PARD3B: variants seen among roughly 807,000 people sequenced by gnomAD.
PARD3B encodes par-3 family cell polarity regulator beta.
In PARD3B, 103 loss-of-function variants were observed where a neutral mutation model predicts 130.2. The observed-to-expected ratio is 0.79, with a 90% CI of 0.67 to 0.93. The LOEUF is 0.93. Among genes scored for constraint, PARD3B ranks in the 40% least tolerant of loss-of-function variants. The probability of loss-of-function intolerance (pLI) is 0.00; values close to 1 mark genes in which losing one functional copy is unlikely to be tolerated. For synonymous variants in PARD3B, 583 were observed against 553.2 expected (o/e 1.05, Z -0.76); for missense variants, 1,609 against 1,499.2 (o/e 1.07, Z -1.21).
chr2:205,098,732 C>T (rs1222600340), intron 4 of PARD3B, among the ~76,000 whole-genome samples: 2 of 152,058 alleles, frequency 1.3e-5, no homozygotes, highest in Non-Finnish European at 2.9e-5. Context: ...CCTCTTGGTG[C>T]CTGGCCCCTT....
chr2:205,490,857 T>C (rs2049675422), intron 20 of PARD3B, among the ~76,000 whole-genome samples: 1 of 152,272 alleles, frequency 6.6e-6, no homozygotes, highest in African/African-American at 2.4e-5. Flanking sequence ...ATTTCTCTGA[T>C]GGCCAGTGAT....
At chr2:204,819,104 GTATT>G (rs2043243191) in intron 2 of PARD3B, among the ~76,000 whole-genome samples, 1 of 152,154 alleles carries the variant, frequency 6.6e-6, no homozygotes, top group Admixed American at 6.5e-5. Context: ...ATATCTATAA[GTATT>G]TACGTATACA....
At chr2:204,795,187 C>T (rs2042327814) in intron 2 of PARD3B, among the ~76,000 whole-genome samples, 1 of 152,128 alleles carries the variant, frequency 6.6e-6, no homozygotes, top group South Asian at 2.1e-4. Context: ...TCTGATTAGT[C>T]CAGTAATACT....
chr2:204,826,502 A>G (rs1173054701), intron 2 of PARD3B, among the ~76,000 whole-genome samples: 1 of 152,158 alleles, frequency 6.6e-6, no homozygotes, highest in Non-Finnish European at 1.5e-5. Flanking sequence ...GTATCTATGG[A>G]CTACCACAAT....
chr2:205,519,761 T>C (rs1416035744), intron 21 of PARD3B, among the ~76,000 whole-genome samples: 2 of 148,574 alleles, frequency 1.3e-5, no homozygotes, highest in Non-Finnish European at 3.0e-5. Flanking sequence ...ACTTCTTTTC[T>C]GGATGTTTTC....
At chr2:205,612,332 T>C (rs1292769011) in intron 22 of PARD3B, among the ~76,000 whole-genome samples, 3 of 152,176 alleles carry the variant, frequency 2.0e-5, no homozygotes, top group South Asian at 2.1e-4. Flanking sequence ...TTTGTAATTT[T>C]AGTAGACAGG....
chr2:204,653,060 T>C (rs2035534370), intron 1 of PARD3B, among the ~76,000 whole-genome samples: 1 of 150,836 alleles, frequency 6.6e-6, no homozygotes, highest in Non-Finnish European at 1.5e-5. Flanking sequence ...AGCCAAACCA[T>C]ATCAAAAACT....
intron 2 of PARD3B, among the ~76,000 whole-genome samples, chr2:204,783,565 C>T (rs2041912442): frequency 6.6e-6 from 1 of 152,134 alleles, no homozygotes; most frequent in African/African-American, 2.4e-5. Flanking sequence ...AGAGCACTTT[C>T]TATAGATTGG....
chr2:205,036,167 A>T (rs1374185510), intron 3 of PARD3B, among the ~76,000 whole-genome samples: 1 of 146,140 alleles, frequency 6.8e-6, no homozygotes, highest in Non-Finnish European at 1.5e-5. Context: ...TATGTAGTAT[A>T]TAGTGGACTA....
intron 1 of PARD3B, among the ~76,000 whole-genome samples, chr2:204,685,225 C>G (rs2037019059): frequency 6.6e-6 from 1 of 152,094 alleles, no homozygotes; most frequent in African/African-American, 2.4e-5. Context: ...AAACTGGTAT[C>G]TGTTCGTTTA....
In PARD3B at chr2:205,006,597, G is replaced by C. The variant is rs187570145; in HGVS notation, c.395-40984G>C. ...GCATTTTTTCATATGTTTATTGGCTGTTTGTATATCTTTTTTTGAGAAATG... is the reference window on the plus strand; with the variant it reads ...GCATTTTTTCATATGTTTATTGGCTCTTTGTATATCTTTTTTTGAGAAATG... On this transcript the variant is annotated intron_variant, in intron 3 of 22. Transcript: ENST00000406610. Among the ~76,000 whole-genome samples, 237 of 152,146 alleles carry C rather than the reference G, an allele frequency of 1.6e-3. 1 individual carries two copies. The highest frequency in any genetic ancestry group is 5.2e-3 in the African/African-American group (216 of 41,532).
rs542927487 is a variant in PARD3B, at chr2:205,030,736, A to G, written c.395-16845A>G. On this transcript the variant is annotated intron_variant, in intron 3 of 22. Coordinates refer to ENST00000406610, the MANE Select transcript of PARD3B (RefSeq NM_001302769.2). ...ATGAAATCTGTATTCTGAACATAAG[A>G]GCTTATAAAATTAGTATATAGGACT... 7.2e-5 allele frequency among the ~76,000 whole-genome samples: 11 copies of G among 152,240 alleles called. No individual in the cohort carries two copies. In the South Asian group the frequency reaches 1.9e-3, roughly 26 times the overall value.
intron 22 of PARD3B, among the ~76,000 whole-genome samples, chr2:205,567,530 G>T (rs2053400582): frequency 7.4e-6 from 1 of 135,984 alleles, no homozygotes; most frequent in Non-Finnish European, 1.5e-5. Flanking sequence ...CACCATGTTA[G>T]CCAGGATGGT....
At position 205,380,155 on chromosome 2, in the gene PARD3B, A is replaced by ATAATATG. The variant is rs1272536316; in HGVS notation, c.2631-20855_2631-20854insTATGTAA. Among the ~76,000 whole-genome samples, 14 of 107,114 alleles carry ATAATATG rather than the reference A, an allele frequency of 1.3e-4. No homozygotes were observed. The South Asian group carries it at 1.3e-3, about 10-fold the overall frequency. 70.3% of individuals were successfully genotyped at this position (107,114 alleles called of 152,430 possible). ...ATATTATATAAAGAATATATATTAT[A>ATAATATG]TAAAGAATATATATTATATAATATG... On this transcript the variant is annotated intron_variant, in intron 18 of 22. Transcript: ENST00000406610.
intron 2 of PARD3B, among the ~76,000 whole-genome samples, chr2:204,818,978 G>T (rs898516907): frequency 6.6e-6 from 1 of 152,094 alleles, no homozygotes; most frequent in Non-Finnish European, 1.5e-5. Context: ...AAGCATATGG[G>T]GAGACTAAGA....
chr2:204,602,871 A>T (rs1402677480), intron 1 of PARD3B, among the ~76,000 whole-genome samples: 1 of 152,074 alleles, frequency 6.6e-6, no homozygotes, highest in East Asian at 1.9e-4. Context: ...TGTGTTTGTG[A>T]TGGATAAGGA....
intron 1 of PARD3B, among the ~76,000 whole-genome samples, chr2:204,611,846 A>G (rs1169713599): frequency 3.9e-5 from 3 of 77,196 alleles, no homozygotes; most frequent in Non-Finnish European, 1.1e-4. Context: ...ATCTATATCT[A>G]TATCTATATA....
intron 2 of PARD3B, among the ~76,000 whole-genome samples, chr2:204,920,309 G>A (rs547148514): frequency 1.7e-3 from 260 of 152,270 alleles, no homozygotes; most frequent in Non-Finnish European, 2.7e-3. Context: ...GCATGTATTT[G>A]CTAACCACTT....
chr2:204,721,386 A>C (rs972956508), intron 2 of PARD3B, among the ~76,000 whole-genome samples: 13 of 152,244 alleles, frequency 8.5e-5, no homozygotes, highest in African/African-American at 3.1e-4. Context: ...CTAGTGAAAA[A>C]GGGCCAGTCG....
Sources: gnomAD v4.1 joint callset for allele counts (sites outside exome capture counted in the v4.1 genomes callset) on GRCh38, gnomAD v4.1.1 for gene constraint, MANE v1.5 for transcripts, NCBI Gene and HGNC (gene_info 2026-07-23, HGNC 2026-07-21) for gene names.